MAF: variants seen among roughly 807,000 people sequenced by gnomAD.
The protein encoded by MAF is transcription factor Maf.
Under a neutral mutation model 22.0 loss-of-function variants are expected in MAF, and 10 were observed. That is an observed-to-expected ratio of 0.45 (90% CI 0.28 to 0.77). The LOEUF is 0.77. Ranked by LOEUF, MAF falls within the 30% of genes least tolerant of loss-of-function variation. MAF has a pLI of 0.12. For synonymous variants in MAF, 337 were observed against 255.8 expected (o/e 1.32, Z -3.03); for missense variants, 544 against 548.4 (o/e 0.99, Z 0.08).
At chr16:79,593,013 T>A (rs1308333146), downstream of MAF, among the ~76,000 whole-genome samples, 1 of 152,158 alleles carries the variant, frequency 6.6e-6, no homozygotes, top group Non-Finnish European at 1.5e-5. Context: ...CTGAAGGTTG[T>A]CACTCATGTA....
the MAF span, among the ~76,000 whole-genome samples, chr16:79,267,620 G>C: frequency 6.6e-6 from 1 of 152,210 alleles, no homozygotes. Flanking sequence ...GATGCACCGG[G>C]TAGTATGACA....
At chr16:79,428,127 T>G in the MAF span, among the ~76,000 whole-genome samples, 1 of 147,924 alleles carries the variant, frequency 6.8e-6, no homozygotes, top group East Asian at 2.0e-4. Context: ...GCTTTTCTGC[T>G]GTGAAGCAAC....
chr16:79,283,479 T>C, the MAF span, among the ~76,000 whole-genome samples: 41 of 152,354 alleles, frequency 2.7e-4, no homozygotes, highest in African/African-American at 8.4e-4. Context: ...ATGCTTAATT[T>C]GTAGTCCCAA....
At chr16:79,346,236 T>C in the MAF span, among the ~76,000 whole-genome samples, 1 of 144,586 alleles carries the variant, frequency 6.9e-6, no homozygotes. Context: ...TGTCCAAGTG[T>C]TCTCACTGTT....
chr16:79,216,478 A>G, the MAF span, among the ~76,000 whole-genome samples: 1 of 152,218 alleles, frequency 6.6e-6, no homozygotes, highest in Non-Finnish European at 1.5e-5. Context: ...TAGAGTACCC[A>G]TATGACTATT....
the MAF span, among the ~76,000 whole-genome samples, chr16:79,210,340 C>T: frequency 6.6e-6 from 1 of 152,186 alleles, no homozygotes; most frequent in Admixed American, 6.5e-5. Flanking sequence ...CTGACTCTCC[C>T]AGGGATCCTA....
the MAF span, among the ~76,000 whole-genome samples, chr16:79,452,135 C>G: frequency 6.6e-6 from 1 of 152,174 alleles, no homozygotes; most frequent in East Asian, 1.9e-4. Flanking sequence ...GCAATAGAGA[C>G]AGTGTGGCCT....
chr16:79,546,645 G>T, the MAF span, among the ~76,000 whole-genome samples: 1 of 152,142 alleles, frequency 6.6e-6, no homozygotes, highest in Non-Finnish European at 1.5e-5. Flanking sequence ...TATCTCTTAT[G>T]TGATTGCTGT....
the MAF span, among the ~76,000 whole-genome samples, chr16:79,539,003 A>G: frequency 6.6e-6 from 1 of 152,222 alleles, no homozygotes; most frequent in South Asian, 2.1e-4. Context: ...AGGAACAAAA[A>G]CGGCCATAAA....
chr16:79,421,240 C>T, the MAF span, among the ~76,000 whole-genome samples: 5,960 of 152,260 alleles, frequency 0.039, 256 homozygotes, highest in African/African-American at 0.11. Context: ...GGTCTCAGAA[C>T]GTATTCCCTT....
At chr16:79,344,298 A>G in the MAF span, among the ~76,000 whole-genome samples, 1 of 152,214 alleles carries the variant, frequency 6.6e-6, no homozygotes, top group Non-Finnish European at 1.5e-5. Context: ...CTAGTAAGTG[A>G]CTAAGGGCGA....
chr16:79,213,432 CATT>C, the MAF span, among the ~76,000 whole-genome samples: 120 of 152,330 alleles, frequency 7.9e-4, 1 homozygote, highest in Middle Eastern at 3.4e-3. Context: ...ACTTTTCAGA[CATT>C]ATTGTCATTT....
the MAF span, among the ~76,000 whole-genome samples, chr16:79,268,078 T>C: frequency 6.6e-6 from 1 of 152,100 alleles, no homozygotes; most frequent in African/African-American, 2.4e-5. Flanking sequence ...TGAACATCTT[T>C]ACTGTTTTGA....
chr16:79,537,587 G>A, the MAF span, among the ~76,000 whole-genome samples: 2 of 152,114 alleles, frequency 1.3e-5, no homozygotes, highest in South Asian at 2.1e-4. Context: ...CTAGAATTCC[G>A]CTCTGTGGCT....
At chr16:79,500,056 G>A in the MAF span, among the ~76,000 whole-genome samples, 1 of 152,208 alleles carries the variant, frequency 6.6e-6, no homozygotes, top group African/African-American at 2.4e-5. Context: ...AATGCCAACA[G>A]AGCTGGAAGA....
chr16:79,483,389 G>A, the MAF span, among the ~76,000 whole-genome samples: 3 of 149,816 alleles, frequency 2.0e-5, no homozygotes, highest in African/African-American at 4.9e-5. Flanking sequence ...GACAGCAAAG[G>A]AAAGGAAAGA....
chr16:79,532,460 C>T, the MAF span, among the ~76,000 whole-genome samples: 1 of 152,176 alleles, frequency 6.6e-6, no homozygotes, highest in East Asian at 1.9e-4. Context: ...TGCAGTTTAT[C>T]TCAGCTCCAA....
the MAF span, among the ~76,000 whole-genome samples, chr16:79,518,840 G>A: frequency 6.6e-5 from 10 of 152,228 alleles, no homozygotes; most frequent in African/African-American, 2.4e-4. Flanking sequence ...CAGGAGAATT[G>A]CTTGAACCCA....
the MAF span, among the ~76,000 whole-genome samples, chr16:79,504,718 A>T: frequency 0.039 from 5,876 of 152,266 alleles, 367 homozygotes; most frequent in African/African-American, 0.13. Context: ...TGGATGATGG[A>T]TGGATATAAA....
Sources: allele counts gnomAD v4.1 joint callset (sites outside exome capture counted in the v4.1 genomes callset), GRCh38; gene constraint gnomAD v4.1.1; transcripts MANE v1.5; gene names NCBI Gene and HGNC (gene_info 2026-07-23, HGNC 2026-07-21).